Variants in PPP1R14D observed in about 807,000 individuals in gnomAD.
The protein encoded by PPP1R14D is protein phosphatase 1 regulatory inhibitor subunit 14D.
Under a neutral mutation model 17.1 loss-of-function variants are expected in PPP1R14D, and 14 were observed. The ratio of observed to expected loss-of-function variants is 0.82; its 90% CI spans 0.54 to 1.28. The LOEUF (loss-of-function observed/expected upper bound fraction) is 1.28. Among genes scored for constraint, PPP1R14D ranks in the 50% most tolerant of loss-of-function variants. The pLI is 0.00. For synonymous variants in PPP1R14D, 67 were observed against 66.1 expected (o/e 1.01, Z -0.06); for missense variants, 173 against 179.2 (o/e 0.97, Z 0.20).
Position 40,816,197 on chromosome 15 carries a change from G to A in PPP1R14D, c.312C>T (p.Ser104=). 1 of 1,614,120 alleles carries A rather than the reference G, an allele frequency of 6.2e-7. No homozygotes were observed. The change falls in exon 2 of 4, where the codon TCC becomes TCT. Residue 104 remains serine, a synonymous_variant. Coordinates refer to ENST00000299174, the MANE Select transcript of PPP1R14D (RefSeq NM_017726.8). ...CCAGCTGAGTCTTCTGCTCCTCTGT[G>A]GATAGATCCATGAGAGCTTCCAGGT... ...EIDLEALMDL[S]TEEQKTQLEA...
In PPP1R14D at chr15:40,828,303, A is replaced by T. The variant is rs576014478; in HGVS notation, c.255+84T>A. 8.4e-5 allele frequency: 124 copies of T among 1,483,194 alleles called. No individual in the cohort carries two copies. In the African/African-American group the frequency reaches 1.7e-3, roughly 20 times the overall value. 91.9% of individuals were successfully genotyped at this position (1,483,194 alleles called of 1,614,324 possible). On this transcript the variant is annotated intron_variant, in intron 1 of 3. Transcript: ENST00000299174. The stretch of plus-strand genomic sequence containing the variant: ...TCTCTTCACGGAAGCACCTCACATC[A>T]GCCCTCCAGCTCCTGTGAAGGTCTC...
At chr15:40,820,057 G>C (rs566335600) in intron 1 of PPP1R14D, among the ~76,000 whole-genome samples, 25 of 151,752 alleles carry the variant, frequency 1.6e-4, no homozygotes, top group African/African-American at 5.8e-4. Flanking sequence ...GTAGAGATGG[G>C]GTTTCTCCAT....
chr15:40,822,315 C>A (rs1596127675), intron 1 of PPP1R14D, among the ~76,000 whole-genome samples: 1 of 149,956 alleles, frequency 6.7e-6, no homozygotes, highest in East Asian at 1.9e-4. Flanking sequence ...TGAGACCTTG[C>A]CTCTAAAAAA....
rs774224088 is a variant in PPP1R14D at position 40,822,594 on chromosome 15, C to T, written c.255+5793G>A. ...TCAGCCTCCCGAGATGCTGGGATTACGGGTGCCTACCACGTCCTGCTAATT... is the reference window on the plus strand; with the variant it reads ...TCAGCCTCCCGAGATGCTGGGATTATGGGTGCCTACCACGTCCTGCTAATT... On this transcript the variant is annotated intron_variant, in intron 1 of 3. Coordinates refer to ENST00000299174, the MANE Select transcript of PPP1R14D (RefSeq NM_017726.8). 5.1e-4 allele frequency among the ~76,000 whole-genome samples: 78 copies of T among 151,778 alleles called. 1 individual carries two copies. The highest frequency in any genetic ancestry group is 1.0e-4 in the Non-Finnish European group (7 of 67,962).
At chr15:40,817,703 C>G (rs895191595) in intron 1 of PPP1R14D, among the ~76,000 whole-genome samples, 3 of 151,310 alleles carry the variant, frequency 2.0e-5, no homozygotes, top group Non-Finnish European at 2.9e-5. Context: ...CAGTCTTGAC[C>G]TCCCAGGCTC....
intron 1 of PPP1R14D, among the ~76,000 whole-genome samples, chr15:40,821,593 G>GT (rs763778288): frequency 2.9e-4 from 44 of 152,226 alleles, no homozygotes; most frequent in Non-Finnish European, 5.3e-4. Flanking sequence ...TCTAACATCT[G>GT]TAACTGGAAT....
rs537615634 is a variant in PPP1R14D at position 40,815,614 on chromosome 15, G to A, written c.*82C>T. 5.3e-4 allele frequency: 798 copies of A among 1,509,392 alleles called. No individual in the cohort carries two copies. The highest frequency in any genetic ancestry group is 5.9e-4 in the Non-Finnish European group (656 of 1,104,696). The allele number at this position is 1,509,392 out of a possible 1,614,324, so 93.5% of individuals were successfully genotyped here. On this transcript the variant is annotated 3_prime_UTR_variant, in exon 4 of 4. Transcript: ENST00000299174. Reference sequence around the variant, plus strand: ...CCACATTTCTTGTTTGTGTCCCAAGGAGCTATTTCCCTCTTAGCCAGGATC... The same window carrying A: ...CCACATTTCTTGTTTGTGTCCCAAGAAGCTATTTCCCTCTTAGCCAGGATC...
At position 40,815,597 on chromosome 15, in the gene PPP1R14D, C is replaced by A; in HGVS notation, c.*99G>T. ...CAAATGTCCCTCCTTGTCCACATTT[C>A]TTGTTTGTGTCCCAAGGAGCTATTT... On this transcript the variant is annotated 3_prime_UTR_variant, in exon 4 of 4. Transcript: ENST00000299174. 7.0e-7 allele frequency: 1 copy of A among 1,427,708 alleles called. No homozygotes were observed. Among genetic ancestry groups the A allele is most frequent in the South Asian group, 1.3e-5 (1 of 76,654 alleles). 88.4% of individuals were successfully genotyped at this position (1,427,708 alleles called of 1,614,324 possible).
intron 1 of PPP1R14D, among the ~76,000 whole-genome samples, chr15:40,823,461 A>G (rs758676426): frequency 1.3e-5 from 2 of 152,122 alleles, no homozygotes; most frequent in Non-Finnish European, 2.9e-5. Flanking sequence ...AATCTACAGT[A>G]ATGTCCTAGG....
chr15:40,815,589 C>G lies in PPP1R14D; in HGVS notation c.*107G>C. ...GGAGTATGCAAATGTCCCTCCTTGT[C>G]CACATTTCTTGTTTGTGTCCCAAGG... is the stretch of plus-strand genomic sequence containing the variant. On this transcript the variant is annotated 3_prime_UTR_variant, in exon 4 of 4. Coordinates refer to ENST00000299174, the MANE Select transcript of PPP1R14D (RefSeq NM_017726.8). 1 of 1,363,126 alleles carries G rather than the reference C, an allele frequency of 7.3e-7. No individual in the cohort carries two copies. Among genetic ancestry groups the G allele is most frequent in the Admixed American group, 2.3e-5 (1 of 43,142 alleles). 84.4% of individuals were successfully genotyped at this position (1,363,126 alleles called of 1,614,324 possible). A position where few individuals can be genotyped will look rare whatever the true frequency, so the allele number is the denominator to read the frequency against.
At chr15:40,823,195 C>A (rs1360269623) in intron 1 of PPP1R14D, among the ~76,000 whole-genome samples, 1 of 151,968 alleles carries the variant, frequency 6.6e-6, no homozygotes, top group African/African-American at 2.4e-5. Context: ...AACTCCTGAC[C>A]TCAGGTGATC....
At chr15:40,824,302 T>C (rs753845665) in intron 1 of PPP1R14D, among the ~76,000 whole-genome samples, 5 of 152,028 alleles carry the variant, frequency 3.3e-5, no homozygotes, top group East Asian at 3.9e-4. Flanking sequence ...GAACCAACAA[T>C]TTTTTTTCCT....
chr15:40,828,357 T>C (rs755860953), intron 1 of PPP1R14D, 30 bp downstream of exon 1: 5 of 1,544,908 alleles, frequency 3.2e-6, no homozygotes, highest in Non-Finnish European at 3.5e-6. Context: ...CAGGCCCCCA[T>C]CTCCTCCCAC....
chr15:40,822,476 G>A (rs1166494893), intron 1 of PPP1R14D, among the ~76,000 whole-genome samples: 1 of 150,350 alleles, frequency 6.7e-6, no homozygotes. Flanking sequence ...TTTTTGAGAT[G>A]GAGTTTCGCT....
At chr15:40,818,549 G>C (rs2141985640) in intron 1 of PPP1R14D, among the ~76,000 whole-genome samples, 1 of 152,248 alleles carries the variant, frequency 6.6e-6, no homozygotes, top group East Asian at 1.9e-4. Flanking sequence ...GCATGCACCT[G>C]TATAGTCCCA....
In PPP1R14D at chr15:40,815,713, T is replaced by C; in HGVS notation, c.421A>G (p.Ser141Gly). 3.1e-6 allele frequency: 5 copies of C among 1,613,746 alleles called. No homozygotes were observed. The highest frequency in any genetic ancestry group is 4.2e-6 in the Non-Finnish European group (5 of 1,179,866). The change falls in exon 4 of 4, where the codon AGC becomes GGC. Residue 141 changes from serine to glycine, a missense_variant. Coordinates refer to ENST00000299174, the MANE Select transcript of PPP1R14D (RefSeq NM_017726.8). ...TCTCAGGCTTATTTCTGAGGCCGGC[T>C]GAGTCTCCGGAGTTTCTTGAGTTGA... ...LSQLKKLRRL[S>G]RPQK
intron 1 of PPP1R14D, among the ~76,000 whole-genome samples, chr15:40,824,941 T>G (rs1288693267): frequency 6.6e-6 from 1 of 151,918 alleles, no homozygotes; most frequent in African/African-American, 2.4e-5. Flanking sequence ...AATAAGGCTG[T>G]GAGTGTGGAC....
In PPP1R14D at chr15:40,816,182, C is replaced by T. The variant is rs749214374; in HGVS notation, c.327G>A (p.Lys109=). 2 of 1,614,046 alleles carry T rather than the reference C, an allele frequency of 1.2e-6. No homozygotes were observed. The highest frequency in any genetic ancestry group is 1.7e-6 in the Non-Finnish European group (2 of 1,180,018). Residue 109 remains lysine (K), a synonymous_variant, in exon 2 of 4, where the codon AAG becomes AAA. Coordinates refer to ENST00000299174, the MANE Select transcript of PPP1R14D (RefSeq NM_017726.8). ...ALMDLSTEEQ[K]TQLEAILGNC... ...GCCCCCATCCTACCTCCAGCTGAGT[C>T]TTCTGCTCCTCTGTGGATAGATCCA...
At chr15:40,827,306 C>G (rs372694805) in intron 1 of PPP1R14D, among the ~76,000 whole-genome samples, 2 of 152,002 alleles carry the variant, frequency 1.3e-5, no homozygotes, top group Non-Finnish European at 2.9e-5. Flanking sequence ...GTCGAGAGTT[C>G]GAGACCAGCC....
Sources: gnomAD v4.1 joint callset for allele counts (sites outside exome capture counted in the v4.1 genomes callset) on GRCh38, gnomAD v4.1.1 for gene constraint, MANE v1.5 for transcripts, NCBI Gene and HGNC (gene_info 2026-07-23, HGNC 2026-07-21) for gene names.